Variants in CRELD1 observed in about 807,000 individuals in gnomAD.
CRELD1 encodes the protein protein disulfide isomerase CRELD1.
CRELD1 carries 42 observed loss-of-function variants against 58.2 expected under a neutral mutation model. That is an observed-to-expected ratio of 0.72 (90% CI 0.56 to 0.93). CRELD1 has a LOEUF of 0.93. CRELD1 is among the 40% of genes least tolerant of loss of function. CRELD1 has a pLI of 0.00. For missense variants in CRELD1, 500 were observed against 540.6 expected (o/e 0.92, Z 0.74); for synonymous variants, 222 against 202.0 (o/e 1.10, Z -0.84).
chr3:9,938,448 A>C (rs1004587626), intron 5 of CRELD1: 1 of 331,474 alleles, frequency 3.0e-6, no homozygotes, highest in Non-Finnish European at 5.8e-6. Context: ...ATCGCCATCC[A>C]TCCTCACACA....
chr3:9,934,070 C>T (rs1340066216), intron 1 of CRELD1, 150 bp downstream of exon 1: 1 of 351,202 alleles, frequency 2.8e-6, no homozygotes, highest in Non-Finnish European at 5.3e-6. Context: ...CCTCTGGCCT[C>T]CTCTCCTTCA....
At chr3:9,934,672 G>C in intron 2 of CRELD1, 60 bp downstream of exon 2, 1 of 1,584,594 alleles carries the variant, frequency 6.3e-7, no homozygotes, top group Non-Finnish European at 8.7e-7. Context: ...GGGAACTCTG[G>C]GATGCAAATC....
chr3:9,937,886 G>C, intron 4 of CRELD1, 129 bp from the exon 5 acceptor site: 1 of 772,794 alleles, frequency 1.3e-6, no homozygotes, highest in Non-Finnish European at 2.2e-6. Context: ...GCATTGGTCA[G>C]ATGGCCTTTT....
At chr3:9,944,260 G>T in intron 10 of CRELD1, 105 bp from the exon 11 acceptor site, 2 of 1,052,670 alleles carry the variant, frequency 1.9e-6, no homozygotes, top group Non-Finnish European at 3.0e-6. Flanking sequence ...TGCTGGGCAG[G>T]CCTGGTGGCC....
In CRELD1 at chr3:9,944,497, T is replaced by C. The variant is rs200444682; in HGVS notation, c.1181T>C (p.Ile394Thr). 5.1e-5 allele frequency: 83 copies of C among 1,613,078 alleles called. No individual in the cohort carries two copies. The highest frequency in any genetic ancestry group is 2.7e-4 in the African/African-American group (20 of 75,010). Residue 394 changes from isoleucine (I) to threonine (T), a missense_variant, in exon 11 of 11, where the codon ATT becomes ACT. Transcript: ENST00000452070. ...KGDLVFTAIF[I>T]GAVAAMTGYW... ...GACTTGGTGTTCACCGCCATCTTCATTGGGGCTGTGGCGGCCATGACTGGC... is the reference window on the plus strand; with the variant it reads ...GACTTGGTGTTCACCGCCATCTTCACTGGGGCTGTGGCGGCCATGACTGGC...
intron 7 of CRELD1, 30 bp downstream of exon 7, chr3:9,941,236 G>T: frequency 6.3e-7 from 1 of 1,589,288 alleles, no homozygotes; most frequent in Non-Finnish European, 8.6e-7. Context: ...GGTCTGGGAA[G>T]ATGGTCAGGG....
At chr3:9,934,063 C>G (rs936898886) in intron 1 of CRELD1, 143 bp downstream of exon 1, 4 of 349,306 alleles carry the variant, frequency 1.1e-5, no homozygotes, top group African/African-American at 2.1e-5. Flanking sequence ...GACAACCCCT[C>G]TGGCCTCCTC....
Position 9,938,082 on chromosome 3 carries a change from G to C in CRELD1, c.436G>C (p.Gly146Arg), listed in dbSNP as rs751240157. The C allele has an allele frequency of 6.2e-7, 1 of 1,613,940 alleles. No homozygotes were observed. The highest frequency in any genetic ancestry group is 1.1e-5 in the South Asian group (1 of 91,064). ...SDSLKLCCPAGTFGPSCLPCP... is the reference protein window; with the variant it reads ...SDSLKLCCPARTFGPSCLPCP... ...TTCCCTGAAGCTCTGCTGCCCCGCA[G>C]GCACCTTCGGGCCCTCCTGCCTTCG... Residue 146 changes from glycine to arginine, a missense_variant, in exon 5 of 11, where the codon GGC (glycine) becomes CGC (arginine). By Grantham distance (125) the Gly-to-Arg change is moderately radical. Coordinates refer to ENST00000452070, the MANE Select transcript of CRELD1 (RefSeq NM_001077415.3).
chr3:9,939,340 T>C (rs1159512448), intron 5 of CRELD1, among the ~76,000 whole-genome samples: 1 of 152,214 alleles, frequency 6.6e-6, no homozygotes, highest in African/African-American at 2.4e-5. Context: ...TTTTTGTTTT[T>C]TTGTCTTTTT....
In CRELD1 at chr3:9,940,996, G is replaced by GA; in HGVS notation, c.609dup (p.Arg204ThrfsTer22). 1.9e-6 allele frequency: 3 copies of GA among 1,614,186 alleles called. No homozygotes were observed. The highest frequency in any genetic ancestry group is 2.5e-6 in the Non-Finnish European group (3 of 1,180,042). On this transcript the variant is annotated frameshift_variant, in exon 6 of 11. Coordinates refer to ENST00000452070, the MANE Select transcript of CRELD1 (RefSeq NM_001077415.3). LOFTEE classifies it high-confidence loss of function. ...GTGTGGCCTTGGCTACTTTGAGGCA[G>GA]AACGCAACGCCAGCCATCTGGTATG...
At chr3:9,941,313 T>C (rs540153597) in intron 7 of CRELD1, 107 bp downstream of exon 7, 1 of 960,032 alleles carries the variant, frequency 1.0e-6, no homozygotes, top group South Asian at 1.6e-5. Context: ...TCCACCTTCA[T>C]GGAGATCTCA....
intron 3 of CRELD1, 30 bp downstream of exon 3, chr3:9,934,947 A>G: frequency 1.3e-6 from 2 of 1,556,952 alleles, no homozygotes; most frequent in East Asian, 2.3e-5. Context: ...AGGGGTGTAT[A>G]TTCCCCTCCC....
intron 1 of CRELD1, 157 bp downstream of exon 1, chr3:9,934,077 T>A (rs2085085958): frequency 2.8e-6 from 1 of 356,912 alleles, no homozygotes; most frequent in Non-Finnish European, 5.2e-6. Flanking sequence ...CCTCCTCTCC[T>A]TCAGTACTTG....
Position 9,944,605 on chromosome 3 carries a change from C to A in CRELD1, c.*26C>A. 6.4e-7 allele frequency: 1 copy of A among 1,567,468 alleles called. No individual in the cohort carries two copies. The highest frequency in any genetic ancestry group is 8.6e-7 in the Non-Finnish European group (1 of 1,161,130). On this transcript the variant is annotated 3_prime_UTR_variant, in exon 11 of 11. Coordinates refer to ENST00000452070, the MANE Select transcript of CRELD1 (RefSeq NM_001077415.3). The stretch of plus-strand genomic sequence containing the variant: ...TCGCGGCCACCACCTGTAGGACCTC[C>A]TCCCACCCACGCTGCCCCCAGAGCT...
intron 5 of CRELD1, chr3:9,938,617 T>C (rs2085260839): frequency 6.3e-6 from 1 of 158,448 alleles, no homozygotes; most frequent in South Asian, 1.8e-4. Flanking sequence ...CCCAACACTT[T>C]GGGAGGCTGC....
intron 4 of CRELD1, 96 bp from the exon 5 acceptor site, chr3:9,937,919 T>G: frequency 5.4e-6 from 5 of 933,106 alleles, no homozygotes; most frequent in Non-Finnish European, 8.6e-6. Context: ...CAAGCTGGGT[T>G]GAATCACAGA....
At position 9,937,996 on chromosome 3, in the gene CRELD1, C is replaced by T. The variant is rs2085242766; in HGVS notation, c.369-19C>T. ...TCAGCACCTCCTCCCCACCTCCCTC[C>T]ACCCTGCCCCTGCCTCAGGCAGCAG... On this transcript the variant is annotated intron_variant, in intron 4 of 10. Transcript: ENST00000452070. The T allele has an allele frequency of 5.0e-6, 8 of 1,589,644 alleles. No individual in the cohort carries two copies. Among genetic ancestry groups the T allele is most frequent in the African/African-American group, 1.3e-5 (1 of 74,398 alleles).
chr3:9,936,538 CGT>C (rs1491275714), intron 3 of CRELD1, among the ~76,000 whole-genome samples: 1 of 129,968 alleles, frequency 7.7e-6, no homozygotes, highest in Admixed American at 7.4e-5. Flanking sequence ...TATATATGTG[CGT>C]ATATATATGC....
chr3:9,941,211 G>T lies in CRELD1; in HGVS notation c.733+5G>T. 1 of 1,611,688 alleles carries T rather than the reference G, an allele frequency of 6.2e-7. No homozygotes were observed. ...TGCATCACCTCAAGTGTGTAGGTAA[G>T]TGGGGCCCTAGCTAGGTCTGGGAAG... On this transcript the variant is annotated splice_donor_5th_base_variant and intron_variant, in intron 7 of 10. Transcript: ENST00000452070.
Sources: gnomAD v4.1 joint callset for allele counts (sites outside exome capture counted in the v4.1 genomes callset) on GRCh38, gnomAD v4.1.1 for gene constraint, MANE v1.5 for transcripts, NCBI Gene and HGNC (gene_info 2026-07-23, HGNC 2026-07-21) for gene names.